The following RAPGEF6 variants were observed in gnomAD, a reference collection of about 807,000 sequenced individuals.
RAPGEF6 encodes Rap guanine nucleotide exchange factor 6.
A neutral mutation model predicts 171.4 loss-of-function variants in RAPGEF6; 56 were observed. The observed-to-expected ratio is 0.33, with a 90% confidence interval of 0.26 to 0.41. The LOEUF (loss-of-function observed/expected upper bound fraction) is 0.41, where lower values mean the gene tolerates loss of function less well. RAPGEF6 is among the 10% of genes least tolerant of loss of function. The pLI, the probability that RAPGEF6 is intolerant of heterozygous loss-of-function variation, is 1.00. For synonymous variants in RAPGEF6, 692 were observed against 650.1 expected, an observed-to-expected ratio of 1.06 and a Z score of -0.98; for missense variants, 1,674 against 1,921.4, an observed-to-expected ratio of 0.87 and a Z score of 2.41.
intron 24 of RAPGEF6, among the ~76,000 whole-genome samples, chr5:131,438,074 C>T (rs188739715): frequency 5.5e-4 from 83 of 152,222 alleles, no homozygotes; most frequent in African/African-American, 1.9e-3. Flanking sequence ...CTGCAACCTC[C>T]GCCTCCTTGG....
intron 15 of RAPGEF6, among the ~76,000 whole-genome samples, chr5:131,480,830 T>C (rs2149857978): frequency 6.6e-6 from 1 of 152,062 alleles, no homozygotes; most frequent in South Asian, 2.1e-4. Flanking sequence ...CACGGTCACA[T>C]TTATGAGGCT....
chr5:131,582,771 T>G (rs1238084072), intron 4 of RAPGEF6, among the ~76,000 whole-genome samples: 2 of 152,198 alleles, frequency 1.3e-5, no homozygotes, highest in Non-Finnish European at 2.9e-5. Context: ...ATAAGAATTT[T>G]ATTATCAAAA....
intron 4 of RAPGEF6, among the ~76,000 whole-genome samples, chr5:131,582,710 A>G (rs919434588): frequency 5.3e-5 from 8 of 152,232 alleles, no homozygotes; most frequent in African/African-American, 1.7e-4. Context: ...AAGGACTTAC[A>G]TATAGCATAC....
rs1751303012 is a variant in RAPGEF6 at position 131,424,395 on chromosome 5, T to G, written c.*2871A>C. 1 of 152,386 alleles carries G rather than the reference T, an allele frequency of 6.6e-6. No individual in the cohort carries two copies. The highest frequency in any genetic ancestry group is 1.5e-5 in the Non-Finnish European group (1 of 68,032). 9.4% of individuals were successfully genotyped at this position (152,386 alleles called of 1,614,324 possible). A position where few individuals can be genotyped will look rare whatever the true frequency, so the allele number is the denominator to read the frequency against. On this transcript the variant is annotated 3_prime_UTR_variant, in exon 28 of 28. Transcript: ENST00000509018. ...CCCGTTTTTCTAGCCTTTAAGGTAATGCTGAAGGAATACATATACTTTAAT... is the reference window on the plus strand; with the variant it reads ...CCCGTTTTTCTAGCCTTTAAGGTAAGGCTGAAGGAATACATATACTTTAAT...
At position 131,425,985 on chromosome 5, in the gene RAPGEF6, A is replaced by T. The variant is rs769885433; in HGVS notation, c.*1281T>A. On this transcript the variant is annotated 3_prime_UTR_variant, in exon 28 of 28. Transcript: ENST00000509018. Reference sequence around the variant, plus strand: ...GAAAAAATTAAACTTAATATATATAAAATATATTTAATTTGCAAAAATGTG... The same window carrying T: ...GAAAAAATTAAACTTAATATATATATAATATATTTAATTTGCAAAAATGTG... 1.3e-5 allele frequency: 2 copies of T among 149,468 alleles called. No homozygotes were observed. The highest frequency in any genetic ancestry group is 3.0e-5 in the Non-Finnish European group (2 of 67,712). The allele number at this position is 149,468 out of a possible 1,614,324, so 9.3% of individuals were successfully genotyped here. A position where few individuals can be genotyped will look rare whatever the true frequency, so the allele number is the denominator to read the frequency against.
Position 131,507,947 on chromosome 5 carries a change from T to C in RAPGEF6, c.942+124A>G, listed in dbSNP as rs1757472947. 3.3e-6 allele frequency: 3 copies of C among 914,190 alleles called. No individual in the cohort carries two copies. In the East Asian group the frequency reaches 9.0e-5, roughly 27 times the overall value. 56.6% of individuals were successfully genotyped at this position (914,190 alleles called of 1,614,324 possible). On this transcript the variant is annotated intron_variant, in intron 9 of 27. Transcript: ENST00000509018. ...TTGTAACTAACTCAAACTTGGCATT[T>C]ATTTAAGAAATCTGTATAAATTTCA...
Position 131,574,368 on chromosome 5 carries a change from G to A in RAPGEF6, c.282-12321C>T, listed in dbSNP as rs562532271. ...TGCCCGATCGCCTTGGAAGACCCCT[G>A]GACCATCATGGATGCCGAGCTTCGG... On this transcript the variant is annotated intron_variant, in intron 4 of 27. Coordinates refer to ENST00000509018, the MANE Select transcript of RAPGEF6 (RefSeq NM_016340.6). Among the ~76,000 whole-genome samples the A allele has an allele frequency of 3.0e-3, 450 of 152,222 alleles. 6 individuals are homozygous for A. The highest frequency in any genetic ancestry group is 3.4e-3 in the Non-Finnish European group (231 of 68,018).
chr5:131,628,059 C>A (rs187715106), intron 1 of RAPGEF6, among the ~76,000 whole-genome samples: 4 of 152,108 alleles, frequency 2.6e-5, no homozygotes, highest in Admixed American at 1.3e-4. Context: ...CATAACAATA[C>A]GGAAATTAGG....
At chr5:131,588,714 G>A (rs1166420463) in intron 4 of RAPGEF6, among the ~76,000 whole-genome samples, 1 of 151,914 alleles carries the variant, frequency 6.6e-6, no homozygotes, top group Non-Finnish European at 1.5e-5. Flanking sequence ...CCGCACTCCA[G>A]CCTTGGCAAC....
chr5:131,519,598 C>T (rs555666297), intron 7 of RAPGEF6, among the ~76,000 whole-genome samples: 44 of 152,262 alleles, frequency 2.9e-4, no homozygotes, highest in African/African-American at 1.0e-3. Flanking sequence ...GACAGGGTTT[C>T]ACCATGTTGG....
chr5:131,604,534 A>G, intron 2 of RAPGEF6, 89 bp downstream of exon 2: 1 of 1,401,434 alleles, frequency 7.1e-7, no homozygotes, highest in Non-Finnish European at 9.8e-7. Flanking sequence ...TAAAACAATA[A>G]GGAATATAAA....
intron 4 of RAPGEF6, among the ~76,000 whole-genome samples, chr5:131,564,616 A>C (rs1761811711): frequency 6.6e-6 from 1 of 152,212 alleles, no homozygotes; most frequent in South Asian, 2.1e-4. Context: ...GAAACAAGCA[A>C]CAACAAACCA....
At chr5:131,610,888 A>G (rs1359903992) in intron 1 of RAPGEF6, among the ~76,000 whole-genome samples, 1 of 152,200 alleles carries the variant, frequency 6.6e-6, no homozygotes, top group Non-Finnish European at 1.5e-5. Flanking sequence ...TATGCCTCTC[A>G]GATTCCAAAC....
rs117406784 is a variant in RAPGEF6, at chr5:131,526,625, C to G, written c.496-5104G>C. On this transcript the variant is annotated intron_variant, in intron 6 of 27. Coordinates refer to ENST00000509018, the MANE Select transcript of RAPGEF6 (RefSeq NM_016340.6). ...AGAAGTTCTTGGTTCCCTAAATCTT[C>G]TCCACTATCTCTCAGCTTACCTGCC... Among the ~76,000 whole-genome samples the G allele has an allele frequency of 2.8e-4, 42 of 152,304 alleles. No homozygotes were observed. In the East Asian group the frequency reaches 7.9e-3, roughly 29 times the overall value.
chr5:131,534,725 A>G (rs1759646285), intron 6 of RAPGEF6, among the ~76,000 whole-genome samples: 1 of 152,004 alleles, frequency 6.6e-6, no homozygotes. Context: ...CAGAAAAATG[A>G]TAGTAGGTAC....
intron 4 of RAPGEF6, among the ~76,000 whole-genome samples, chr5:131,570,713 T>C (rs940728019): frequency 6.6e-6 from 1 of 152,282 alleles, no homozygotes; most frequent in Non-Finnish European, 1.5e-5. Flanking sequence ...ATATTCCATT[T>C]ACATAAAATA....
At chr5:131,474,775 A>T (rs1321624624) in intron 16 of RAPGEF6, among the ~76,000 whole-genome samples, 3 of 152,234 alleles carry the variant, frequency 2.0e-5, no homozygotes, top group Non-Finnish European at 4.4e-5. Context: ...TACAGAAAAT[A>T]AAGATTTTTT....
At chr5:131,466,643 C>T (rs1457533748) in intron 17 of RAPGEF6, among the ~76,000 whole-genome samples, 1 of 152,168 alleles carries the variant, frequency 6.6e-6, no homozygotes, top group African/African-American at 2.4e-5. Context: ...CTCTCTTTGC[C>T]TGCTGTCATC....
intron 6 of RAPGEF6, among the ~76,000 whole-genome samples, chr5:131,533,832 C>G (rs1484786690): frequency 1.3e-5 from 2 of 152,058 alleles, no homozygotes; most frequent in African/African-American, 4.8e-5. Context: ...ATTAAACCTG[C>G]TTCCAGAGTG....
Sources: allele counts gnomAD v4.1 joint callset (sites outside exome capture counted in the v4.1 genomes callset), GRCh38; gene constraint gnomAD v4.1.1; transcripts MANE v1.5; gene names NCBI Gene and HGNC (gene_info 2026-07-23, HGNC 2026-07-21).